Variants in TENM2 observed in about 807,000 individuals in gnomAD.
The protein encoded by TENM2 is teneurin transmembrane protein 2.
In TENM2, 52 loss-of-function variants were observed where a neutral mutation model predicts 245.2. The observed-to-expected ratio is 0.21, with a 90% CI of 0.17 to 0.27. The LOEUF (loss-of-function observed/expected upper bound fraction) is 0.27, where lower values mean the gene tolerates loss of function less well. TENM2 is among the 10% of genes least tolerant of loss of function. The pLI is 1.00. For synonymous variants in TENM2, 1,363 were observed against 1,438.9 expected (o/e 0.95, Z 1.19); for missense variants, 3,046 against 3,666.8 (o/e 0.83, Z 4.37).
intron 4 of TENM2, among the ~76,000 whole-genome samples, chr5:167,969,531 C>G (rs956793094): frequency 1.3e-5 from 2 of 152,096 alleles, no homozygotes; most frequent in African/African-American, 2.4e-5. Flanking sequence ...ATGTTCTTGT[C>G]CCCTTTCAAC....
chr5:167,375,362 C>T, exon 2 of TENM2: 2 of 1,551,712 alleles, frequency 1.3e-6, no homozygotes, highest in South Asian at 1.2e-5. Flanking sequence ...CGCCATCAGA[C>T]TGTGGGGCAG....
the TENM2 span, among the ~76,000 whole-genome samples, chr5:167,119,162 C>T: frequency 6.6e-6 from 1 of 152,188 alleles, no homozygotes; most frequent in Non-Finnish European, 1.5e-5. Flanking sequence ...ATTTCAAATA[C>T]AGATACAATT....
At chr5:168,065,685 G>T (rs952372689) in intron 7 of TENM2, among the ~76,000 whole-genome samples, 12 of 151,482 alleles carry the variant, frequency 7.9e-5, no homozygotes, top group Non-Finnish European at 1.6e-4. Context: ...ACATTTCATT[G>T]CAGAAAAGTT....
chr5:168,212,945 C>A (rs1163151713), intron 20 of TENM2, among the ~76,000 whole-genome samples: 1 of 152,178 alleles, frequency 6.6e-6, no homozygotes, highest in African/African-American at 2.4e-5. Context: ...TCTGCCAGAG[C>A]TTTTGAAAAG....
chr5:168,004,831 AT>A (rs59307157), intron 5 of TENM2, among the ~76,000 whole-genome samples: 7 of 151,894 alleles, frequency 4.6e-5, no homozygotes, highest in Admixed American at 1.3e-4. Context: ...GTCACGGTTA[AT>A]TTTTTTTAAG....
At chr5:167,563,472 A>T (rs1350310821) in intron 2 of TENM2, among the ~76,000 whole-genome samples, 1 of 152,122 alleles carries the variant, frequency 6.6e-6, no homozygotes, top group Non-Finnish European at 1.5e-5. Context: ...CTGCCAAGTG[A>T]TGTCTCGTAA....
At chr5:167,654,966 A>G (rs569017020) in intron 2 of TENM2, among the ~76,000 whole-genome samples, 2 of 152,216 alleles carry the variant, frequency 1.3e-5, no homozygotes, top group East Asian at 3.9e-4. Context: ...AAATAAATAA[A>G]TTATAGAAAC....
At chr5:167,449,280 C>G (rs894173072) in intron 2 of TENM2, among the ~76,000 whole-genome samples, 2 of 152,150 alleles carry the variant, frequency 1.3e-5, no homozygotes, top group African/African-American at 4.8e-5. Context: ...CAGATCTTAC[C>G]TGACAGCCTG....
the TENM2 span, among the ~76,000 whole-genome samples, chr5:167,048,776 C>T: frequency 3.9e-5 from 6 of 152,060 alleles, no homozygotes; most frequent in African/African-American, 1.4e-4. Context: ...CATATAATTC[C>T]ATGTGAAAAA....
intron 2 of TENM2, among the ~76,000 whole-genome samples, chr5:167,484,879 T>A (rs1205730615): frequency 1.3e-5 from 2 of 152,238 alleles, no homozygotes; most frequent in African/African-American, 4.8e-5. Flanking sequence ...AGATATTGCA[T>A]GCTAAGTGGA....
At chr5:167,814,060 A>T (rs10454966) in intron 2 of TENM2, among the ~76,000 whole-genome samples, 5 of 151,878 alleles carry the variant, frequency 3.3e-5, no homozygotes, top group African/African-American at 4.8e-5. Flanking sequence ...GTGATGCTCA[A>T]GGCTAGTTCA....
At chr5:167,026,685 A>G in the TENM2 span, among the ~76,000 whole-genome samples, 33 of 152,346 alleles carry the variant, frequency 2.2e-4, no homozygotes, top group African/African-American at 7.7e-4. Flanking sequence ...GGTGAGGCGT[A>G]TAGACTTTTA....
At chr5:168,032,370 T>A (rs1787221098) in intron 5 of TENM2, among the ~76,000 whole-genome samples, 2 of 152,274 alleles carry the variant, frequency 1.3e-5, no homozygotes, top group South Asian at 4.2e-4. Flanking sequence ...GGCTCAATAG[T>A]TGCTGGTGAA....
intron 2 of TENM2, among the ~76,000 whole-genome samples, chr5:167,460,744 A>G (rs1379492582): frequency 6.6e-6 from 1 of 152,184 alleles, no homozygotes; most frequent in Non-Finnish European, 1.5e-5. Context: ...AAACCACTGA[A>G]AAATGTGCTT....
chr5:167,730,434 C>A (rs934072704), intron 2 of TENM2, among the ~76,000 whole-genome samples: 1 of 152,116 alleles, frequency 6.6e-6, no homozygotes, highest in Admixed American at 6.5e-5. Context: ...TCTGTAAACA[C>A]CCGTTTTTGG....
intron 6 of TENM2, among the ~76,000 whole-genome samples, chr5:168,061,095 C>A (rs75867996): frequency 6.6e-6 from 1 of 152,210 alleles, no homozygotes; most frequent in East Asian, 1.9e-4. Flanking sequence ...GACCTCAGTT[C>A]TTTCTGTTTT....
chr5:167,271,345 C>G, the TENM2 span, among the ~76,000 whole-genome samples: 1 of 151,962 alleles, frequency 6.6e-6, no homozygotes. Context: ...GAAGGTGGAG[C>G]TGAAGAGGAA....
chr5:167,932,244 C>T (rs549287341), intron 3 of TENM2, among the ~76,000 whole-genome samples: 4 of 152,050 alleles, frequency 2.6e-5, no homozygotes, highest in Admixed American at 1.3e-4. Context: ...ATGGGACCTG[C>T]GAAAGGAAAG....
chr5:167,424,245 G>T (rs1001776829), intron 2 of TENM2, among the ~76,000 whole-genome samples: 1 of 152,034 alleles, frequency 6.6e-6, no homozygotes, highest in Non-Finnish European at 1.5e-5. Context: ...TACCCAGGCA[G>T]AATAAATCAG....
Sources: allele counts gnomAD v4.1 joint callset (sites outside exome capture counted in the v4.1 genomes callset), GRCh38; gene constraint gnomAD v4.1.1; transcripts MANE v1.5; gene names NCBI Gene and HGNC (gene_info 2026-07-23, HGNC 2026-07-21).